VAT1L: variants seen among roughly 807,000 people sequenced by gnomAD.
VAT1L encodes the protein vesicle amine transport 1 like, also known as putative NADPH-dependent quinone oxidoreductase VAT1L.
In VAT1L, 34 loss-of-function variants were observed where a neutral mutation model predicts 44.1. The observed-to-expected ratio is 0.77, with a 90% CI of 0.59 to 1.03. The LOEUF is 1.03. VAT1L is among the 50% of genes least tolerant of loss of function. VAT1L has a pLI of 0.00. For synonymous variants in VAT1L, 253 were observed against 202.2 expected (o/e 1.25, Z -2.13); for missense variants, 615 against 538.8 (o/e 1.14, Z -1.40).
At chr16:77,901,153 CTTTTT>C (rs538577571) in intron 7 of VAT1L, among the ~76,000 whole-genome samples, 21 of 90,050 alleles carry the variant, frequency 2.3e-4, no homozygotes, top group African/African-American at 8.6e-4. Context: ...AGTAGTTTAC[CTTTTT>C]TTTTTTTTTT....
At chr16:77,966,339 T>G (rs1445848917) in intron 7 of VAT1L, among the ~76,000 whole-genome samples, 1 of 152,066 alleles carries the variant, frequency 6.6e-6, no homozygotes. Flanking sequence ...TGGGCGAGAC[T>G]GTGAGGTTGA....
chr16:77,975,147 G>C (rs909366863), intron 8 of VAT1L, among the ~76,000 whole-genome samples: 12 of 150,590 alleles, frequency 8.0e-5, no homozygotes, highest in Admixed American at 6.6e-4. Flanking sequence ...TGCTGGAGGA[G>C]GGGACAGAGG....
chr16:77,957,218 C>T (rs1365718787), intron 7 of VAT1L, among the ~76,000 whole-genome samples: 1 of 152,130 alleles, frequency 6.6e-6, no homozygotes, highest in East Asian at 1.9e-4. Flanking sequence ...TAGCCCTTTT[C>T]CATGAATTCT....
At chr16:77,845,522 A>G (rs556116490) in intron 3 of VAT1L, among the ~76,000 whole-genome samples, 49 of 152,176 alleles carry the variant, frequency 3.2e-4, no homozygotes, top group African/African-American at 1.1e-3. Context: ...ACCCATTCCA[A>G]CTAAACTATA....
At chr16:77,927,145 T>G (rs1468828798) in intron 7 of VAT1L, among the ~76,000 whole-genome samples, 2 of 151,982 alleles carry the variant, frequency 1.3e-5, no homozygotes, top group African/African-American at 4.8e-5. Context: ...GAGACCATCC[T>G]GGCTAACATG....
chr16:77,857,670 T>C (rs2016872816), intron 3 of VAT1L, among the ~76,000 whole-genome samples: 1 of 150,274 alleles, frequency 6.7e-6, no homozygotes, highest in Admixed American at 6.7e-5. Flanking sequence ...AGATAGTATA[T>C]ATTATGTATA....
chr16:77,924,583 C>A (rs1202122463), intron 7 of VAT1L, among the ~76,000 whole-genome samples: 1 of 152,160 alleles, frequency 6.6e-6, no homozygotes, highest in Non-Finnish European at 1.5e-5. Context: ...GCCTCAGCCT[C>A]CCAAGTAGTT....
At chr16:77,902,747 T>G (rs1471231550) in intron 7 of VAT1L, among the ~76,000 whole-genome samples, 2 of 134,828 alleles carry the variant, frequency 1.5e-5, no homozygotes, top group African/African-American at 5.7e-5. Flanking sequence ...GGGGTGTGGA[T>G]CACCTGAGGT....
chr16:77,860,480 T>C (rs1157866586), intron 3 of VAT1L, among the ~76,000 whole-genome samples: 2 of 152,162 alleles, frequency 1.3e-5, no homozygotes, highest in East Asian at 3.9e-4. Flanking sequence ...CAGTACAGAA[T>C]AGAAATTTGA....
At chr16:77,973,031 G>A (rs1335391208) in intron 8 of VAT1L, among the ~76,000 whole-genome samples, 1 of 151,498 alleles carries the variant, frequency 6.6e-6, no homozygotes, top group Non-Finnish European at 1.5e-5. Context: ...TATATCCCAG[G>A]GATACCACCA....
intron 4 of VAT1L, among the ~76,000 whole-genome samples, chr16:77,873,678 G>A (rs932799931): frequency 1.3e-5 from 2 of 152,174 alleles, no homozygotes; most frequent in Admixed American, 6.5e-5. Flanking sequence ...TATCTCCAGT[G>A]TAGACATTAA....
intron 7 of VAT1L, among the ~76,000 whole-genome samples, chr16:77,967,495 C>G (rs1402170175): frequency 6.6e-6 from 1 of 152,188 alleles, no homozygotes; most frequent in African/African-American, 2.4e-5. Context: ...AGCAGCCTAA[C>G]AAGAGGATAG....
At chr16:77,828,957 T>C (rs1261281517) in intron 3 of VAT1L, among the ~76,000 whole-genome samples, 1 of 152,216 alleles carries the variant, frequency 6.6e-6, no homozygotes, top group African/African-American at 2.4e-5. Context: ...TTTGTGTTAA[T>C]TTGTTGCCAC....
intron 4 of VAT1L, 29 bp from the exon 5 acceptor site, chr16:77,876,341 G>A: frequency 6.2e-7 from 1 of 1,600,386 alleles, no homozygotes. Flanking sequence ...ACAGGTCACA[G>A]AATTTTGCTT....
chr16:77,904,947 G>C (rs2017423820), intron 7 of VAT1L, among the ~76,000 whole-genome samples: 1 of 151,844 alleles, frequency 6.6e-6, no homozygotes, highest in Non-Finnish European at 1.5e-5. Context: ...TGAAGAGTTA[G>C]AAAATCAAAA....
In VAT1L at chr16:77,896,244, G is replaced by A. The variant is rs372365983; in HGVS notation, c.1077+11442G>A. On this transcript the variant is annotated intron_variant, in intron 7 of 8. Coordinates refer to ENST00000302536, the MANE Select transcript of VAT1L (RefSeq NM_020927.3). ...GCCCTTCCCTCATCCTTGTCCTCCT[G>A]CAAAATTCCTGGTCACCTTTTAAGA... is the stretch of plus-strand genomic sequence containing the variant. Among the ~76,000 whole-genome samples, 7 of 152,098 alleles carry A rather than the reference G, an allele frequency of 4.6e-5. No homozygotes were observed. The East Asian group carries it at 5.8e-4, about 13-fold the overall frequency.
At chr16:77,966,765 T>C (rs1266473720) in intron 7 of VAT1L, among the ~76,000 whole-genome samples, 1 of 152,144 alleles carries the variant, frequency 6.6e-6, no homozygotes, top group Non-Finnish European at 1.5e-5. Context: ...ATTAAGTCTG[T>C]GAAGTCTGGT....
At chr16:77,825,087 G>A (rs2016503025) in intron 2 of VAT1L, among the ~76,000 whole-genome samples, 159 bp from the exon 3 acceptor site, 1 of 152,012 alleles carries the variant, frequency 6.6e-6, no homozygotes, top group Admixed American at 6.5e-5. Context: ...GGCTGGTCTT[G>A]AACTCCTGAT....
intron 7 of VAT1L, among the ~76,000 whole-genome samples, chr16:77,911,690 C>G (rs910320667): frequency 4.6e-5 from 7 of 152,102 alleles, no homozygotes; most frequent in African/African-American, 1.7e-4. Context: ...GGGGAAGGAG[C>G]TTGCACGTGC....
Sources: gnomAD v4.1 joint callset for allele counts (sites outside exome capture counted in the v4.1 genomes callset) on GRCh38, gnomAD v4.1.1 for gene constraint, MANE v1.5 for transcripts, NCBI Gene and HGNC (gene_info 2026-07-23, HGNC 2026-07-21) for gene names.